The following CIZ1 variants were observed in gnomAD, a reference collection of about 807,000 sequenced individuals.
CIZ1 encodes the protein cip1-interacting zinc finger protein.
Under a neutral mutation model 118.6 loss-of-function variants are expected in CIZ1, and 58 were observed. That is an observed-to-expected ratio of 0.49 (90% CI 0.40 to 0.61). The LOEUF is 0.61. CIZ1 is among the 20% of genes least tolerant of loss of function. The pLI is 0.00. For missense variants in CIZ1, 921 were observed against 1,115.9 expected, an observed-to-expected ratio of 0.83 and a Z score of 2.49; for synonymous variants, 448 against 443.4, an observed-to-expected ratio of 1.01 and a Z score of -0.13.
At chr9:128,173,392 G>A (rs1361830663) in intron 11 of CIZ1, among the ~76,000 whole-genome samples, 4 of 151,622 alleles carry the variant, frequency 2.6e-5, no homozygotes, top group Admixed American at 6.6e-5. Context: ...TGATCCACCC[G>A]CCTCAGCCTC....
At chr9:128,168,978 G>T in intron 14 of CIZ1, 74 bp downstream of exon 14, 1 of 1,595,528 alleles carries the variant, frequency 6.3e-7, no homozygotes, top group Non-Finnish European at 8.6e-7. Flanking sequence ...TCTGGCCTCC[G>T]GGAGGTGGGA....
intron 5 of CIZ1, among the ~76,000 whole-genome samples, chr9:128,183,722 T>G (rs1482405644): frequency 6.6e-6 from 1 of 152,054 alleles, no homozygotes; most frequent in Admixed American, 6.6e-5. Flanking sequence ...TATAGCATTG[T>G]TCTACCCTAG....
At chr9:128,194,503 A>AT (rs1228559218), upstream of CIZ1, among the ~76,000 whole-genome samples, 4 of 151,660 alleles carry the variant, frequency 2.6e-5, no homozygotes, top group East Asian at 7.8e-4. Context: ...ATATTTATAT[A>AT]TTTTTTCTTT....
chr9:128,176,458 C>A lies in CIZ1; in HGVS notation c.1836G>T (p.Met612Ile), dbSNP rs777626442. Reference sequence around the variant, plus strand: ...GCCGCTGCTGGTGCTGAGGCTCCGACATGTGGTCCTGGAACTCCTGCAGCA... The same window carrying A: ...GCCGCTGCTGGTGCTGAGGCTCCGAAATGTGGTCCTGGAACTCCTGCAGCA... ...CSSQQEFQDH[M>I]SEPQHQQRLG... is the part of the protein sequence containing the mutation. Residue 612 changes from methionine (M) to isoleucine (I), a missense_variant, in exon 11 of 17, where the codon ATG becomes ATT. Transcript: ENST00000372938. 3 of 1,613,406 alleles carry A rather than the reference C, an allele frequency of 1.9e-6. No homozygotes were observed.
At chr9:128,174,901 G>A (rs763906762) in intron 11 of CIZ1, among the ~76,000 whole-genome samples, 19 of 152,080 alleles carry the variant, frequency 1.2e-4, no homozygotes, top group African/African-American at 2.4e-4. Flanking sequence ...CAGGTGATCC[G>A]CCCATCTCAG....
At chr9:128,188,370 A>C (rs779209569) in intron 3 of CIZ1, among the ~76,000 whole-genome samples, 3 of 152,184 alleles carry the variant, frequency 2.0e-5, no homozygotes, top group Non-Finnish European at 2.9e-5. Context: ...AGAGACAAAA[A>C]TGCTGACTGG....
chr9:128,180,378 G>T (rs1196387696), intron 7 of CIZ1, 37 bp downstream of exon 7: 1 of 1,495,240 alleles, frequency 6.7e-7, no homozygotes, highest in Admixed American at 1.7e-5. Flanking sequence ...AGAGCACAGG[G>T]CACCCGGGCG....
chr9:128,200,456 G>A (rs1471470444), intron 1 of CIZ1, among the ~76,000 whole-genome samples: 7 of 151,686 alleles, frequency 4.6e-5, no homozygotes, highest in African/African-American at 1.7e-4. Flanking sequence ...TCAGGAGTTT[G>A]AGACCAGCCT....
chr9:128,181,971 G>C (rs958437537), intron 5 of CIZ1, among the ~76,000 whole-genome samples: 8 of 152,188 alleles, frequency 5.3e-5, no homozygotes, highest in African/African-American at 1.9e-4. Context: ...CTTCCAGATA[G>C]TAGTAGTCAA....
chr9:128,195,581 G>C (rs1438751756), upstream of CIZ1, among the ~76,000 whole-genome samples: 1 of 151,680 alleles, frequency 6.6e-6, no homozygotes, highest in East Asian at 2.0e-4. Context: ...GCCTCCCAAA[G>C]TGCTGGGATT....
chr9:128,188,372 G>T (rs543335406), intron 3 of CIZ1, among the ~76,000 whole-genome samples: 1 of 152,310 alleles, frequency 6.6e-6, no homozygotes, highest in Non-Finnish European at 1.5e-5. Flanking sequence ...AGACAAAAAT[G>T]CTGACTGGTG....
At position 128,185,351 on chromosome 9, in the gene CIZ1, C is replaced by T. The variant is rs146960327; in HGVS notation, c.588+196G>A. 8.3e-4 allele frequency among the ~76,000 whole-genome samples: 126 copies of T among 152,258 alleles called. 1 individual carries two copies. Among genetic ancestry groups the T allele is most frequent in the African/African-American group, 2.8e-3 (116 of 41,558 alleles). On this transcript the variant is annotated intron_variant, in intron 5 of 16. Transcript: ENST00000372938. ...TGTTTGGGCATGGCAAAAATCCCTT[C>T]GTTGATAAAAGAATATTTGAAGTTT...
chr9:128,175,790 C>T (rs1014237575), intron 11 of CIZ1, among the ~76,000 whole-genome samples: 2 of 152,076 alleles, frequency 1.3e-5, no homozygotes, highest in African/African-American at 2.4e-5. Flanking sequence ...CCGCTGTGGC[C>T]CTAGCTAACA....
chr9:128,168,516 GAAAAAAAAAAAGA>G (rs1484445374), intron 14 of CIZ1, among the ~76,000 whole-genome samples: 12 of 93,502 alleles, frequency 1.3e-4, no homozygotes, highest in African/African-American at 5.3e-4. Flanking sequence ...ACTCCGTCTT[GAAAAAAAAAAAGA>G]AAAAAAAAAA....
At chr9:128,184,451 A>C (rs1832085974) in intron 5 of CIZ1, among the ~76,000 whole-genome samples, 1 of 150,484 alleles carries the variant, frequency 6.6e-6, no homozygotes, top group Non-Finnish European at 1.5e-5. Flanking sequence ...TTTAAATTAC[A>C]TATATGGCTT....
chr9:128,177,878 G>A (rs1831067473), intron 9 of CIZ1, 115 bp from the exon 10 acceptor site: 1 of 750,754 alleles, frequency 1.3e-6, no homozygotes, highest in African/African-American at 1.8e-5. Context: ...TAGGGAAACT[G>A]AGGCTCTGAG....
At chr9:128,179,451 TC>T (rs1337944821) in intron 7 of CIZ1, 36 bp from the exon 8 acceptor site, 1 of 1,533,950 alleles carries the variant, frequency 6.5e-7, no homozygotes, top group Non-Finnish European at 8.7e-7. Flanking sequence ...AGTCATGTCT[TC>T]AAAGAGGCCC....
At chr9:128,200,328 T>A (rs983699071) in intron 1 of CIZ1, 2 of 151,876 alleles carry the variant, frequency 1.3e-5, no homozygotes, top group Non-Finnish European at 2.9e-5. Context: ...GGTTTTACAA[T>A]AAGTTTCAAT....
In CIZ1 at chr9:128,169,772, C is replaced by G. The variant is rs988261485; in HGVS notation, c.2031+248G>C. The G allele has an allele frequency of 5.5e-6, 8 of 1,461,328 alleles. No homozygotes were observed. The African/African-American group carries it at 9.8e-5, about 18-fold the overall frequency. The allele number at this position is 1,461,328 out of a possible 1,614,324, so 90.5% of individuals were successfully genotyped here. A position where few individuals can be genotyped will look rare whatever the true frequency, so the allele number is the denominator to read the frequency against. ...AGAGAGAAGACGAGAGAGAGGGCAG[C>G]TGCCCAAATAACCCCTGTGAGCCCC... On this transcript the variant is annotated intron_variant, in intron 12 of 16. Transcript: ENST00000372938.
Sources: allele counts gnomAD v4.1 joint callset (sites outside exome capture counted in the v4.1 genomes callset), GRCh38; gene constraint gnomAD v4.1.1; transcripts MANE v1.5; gene names NCBI Gene and HGNC (gene_info 2026-07-23, HGNC 2026-07-21).